The following AP1G1 variants were observed in gnomAD, a reference collection of about 807,000 sequenced individuals.
AP1G1 encodes the protein adaptor related protein complex 1 subunit gamma 1.
In AP1G1, 7 loss-of-function variants were observed where a neutral mutation model predicts 108.3. The ratio of observed to expected loss-of-function variants is 0.06; its 90% CI spans 0.04 to 0.12. The LOEUF is 0.12. AP1G1 is among the 10% of genes least tolerant of loss of function. The pLI is 1.00. For missense variants in AP1G1, 756 were observed against 1,010.7 expected (o/e 0.75, Z 3.42); for synonymous variants, 379 against 353.5 (o/e 1.07, Z -0.81).
At chr16:71,770,762 G>A (rs924872607) in intron 5 of AP1G1, among the ~76,000 whole-genome samples, 4 of 152,088 alleles carry the variant, frequency 2.6e-5, no homozygotes, top group Non-Finnish European at 4.4e-5. Flanking sequence ...GAGCTACCAC[G>A]CCCAGCCGCA....
At position 71,729,032 on chromosome 16, in the gene AP1G1, T is replaced by G. The variant is rs1240669084; in HGVS notation, c.*4026A>C. On this transcript the variant is annotated 3_prime_UTR_variant, in exon 23 of 23. Coordinates refer to ENST00000299980, the MANE Select transcript of AP1G1 (RefSeq NM_001128.6). ...TCATTGGGTATTGACTTTTTATTAT[T>G]AGTCACTGTTCATAATTTGTTTCAA... The G allele has an allele frequency of 6.6e-6, 1 of 152,608 alleles. No homozygotes were observed. The highest frequency in any genetic ancestry group is 1.9e-4 in the East Asian group (1 of 5,200). 9.5% of individuals were successfully genotyped at this position (152,608 alleles called of 1,614,324 possible). A position where few individuals can be genotyped will look rare whatever the true frequency, so the allele number is the denominator to read the frequency against.
At chr16:71,788,983 T>C (rs1166469033) in intron 2 of AP1G1, among the ~76,000 whole-genome samples, 1 of 152,218 alleles carries the variant, frequency 6.6e-6, no homozygotes, top group African/African-American at 2.4e-5. Context: ...ATATTCATTA[T>C]AGTCCAGGTA....
chr16:71,805,137 A>C (rs1051010758), intron 1 of AP1G1, among the ~76,000 whole-genome samples: 3 of 152,090 alleles, frequency 2.0e-5, no homozygotes, highest in Admixed American at 1.3e-4. Context: ...GAGAATAAAG[A>C]AAGCCAAAAT....
chr16:71,771,985 A>C (rs186172726), intron 4 of AP1G1, among the ~76,000 whole-genome samples: 87 of 152,308 alleles, frequency 5.7e-4, no homozygotes, highest in Non-Finnish European at 8.1e-4. Context: ...GTACATTTAA[A>C]CACTGATTTT....
chr16:71,738,913 G>A, intron 21 of AP1G1, 29 bp downstream of exon 21: 4 of 1,562,686 alleles, frequency 2.6e-6, no homozygotes, highest in East Asian at 2.3e-5. Flanking sequence ...TTTAATCAAA[G>A]GAAACATCTA....
chr16:71,745,499 G>A lies in AP1G1; in HGVS notation c.1846C>T (p.Pro616Ser), dbSNP rs1397028674. 2.5e-6 allele frequency: 4 copies of A among 1,614,078 alleles called. No individual in the cohort carries two copies. In the African/African-American group the frequency reaches 5.3e-5, roughly 22 times the overall value. ...EPAPLETKPP[P>S]SGPQPTSQAN... ...TGGCTGGTGGGCTGTGGCCCAGAGGGTGGCGGTTTGGTCTCTAGTGGAGCT... is the reference window on the plus strand; with the variant it reads ...TGGCTGGTGGGCTGTGGCCCAGAGGATGGCGGTTTGGTCTCTAGTGGAGCT... Residue 616 changes from proline (P) to serine (S), a missense_variant, in exon 18 of 23, where the codon CCC (proline) becomes TCC (serine). Pro to Ser is a moderately conservative substitution (Grantham distance 74, BLOSUM62 -1). This residue lies in a region of AP1G1 where 357 missense variants were observed against 366.5 expected (regional missense o/e 0.97). Transcript: ENST00000299980.
At chr16:71,808,442 C>T (rs1213141086) in intron 1 of AP1G1, 4 of 1,189,152 alleles carry the variant, frequency 3.4e-6, no homozygotes, top group Non-Finnish European at 3.2e-6. Context: ...AAACCCCAGG[C>T]TCCCTGAATG....
rs111736607 is a variant in AP1G1, at chr16:71,773,868, T to G, written c.327-506A>C. Reference sequence around the variant, plus strand: ...TGAGTAGCTACCCAGGTTCAAGTGATTCTTCTGCCTCAGCCTCTCAAGTAG... The same window carrying G: ...TGAGTAGCTACCCAGGTTCAAGTGAGTCTTCTGCCTCAGCCTCTCAAGTAG... On this transcript the variant is annotated intron_variant, in intron 3 of 22. Transcript: ENST00000299980. 3.3e-3 allele frequency among the ~76,000 whole-genome samples: 500 copies of G among 149,764 alleles called. 6 individuals carry two copies. The highest frequency in any genetic ancestry group is 0.012 in the African/African-American group (477 of 40,932).
Position 71,733,024 on chromosome 16 carries a change from G to A in AP1G1, c.*34C>T. 1 of 1,552,226 alleles carries A rather than the reference G, an allele frequency of 6.4e-7. No individual in the cohort carries two copies. Among genetic ancestry groups the A allele is most frequent in the Non-Finnish European group, 8.9e-7 (1 of 1,126,830 alleles). On this transcript the variant is annotated 3_prime_UTR_variant, in exon 23 of 23. Transcript: ENST00000299980. Reference sequence around the variant, plus strand: ...CCTCCTTCCCAGAGTTCCTTTGATTGAGTGGGATAAAGAATGAGAATGGTG... The same window carrying A: ...CCTCCTTCCCAGAGTTCCTTTGATTAAGTGGGATAAAGAATGAGAATGGTG...
intron 2 of AP1G1, among the ~76,000 whole-genome samples, chr16:71,779,689 G>A (rs901117641): frequency 4.6e-5 from 7 of 152,064 alleles, no homozygotes; most frequent in Non-Finnish European, 8.8e-5. Flanking sequence ...GCTATTTTAC[G>A]AAGAGAATTT....
intron 21 of AP1G1, among the ~76,000 whole-genome samples, chr16:71,737,145 C>T (rs1317041390): frequency 6.6e-6 from 1 of 152,094 alleles, no homozygotes; most frequent in Non-Finnish European, 1.5e-5. Flanking sequence ...TCATTATCAC[C>T]ACCCTCTTTG....
At chr16:71,752,408 G>C (rs907470247) in intron 13 of AP1G1, among the ~76,000 whole-genome samples, 1 of 152,122 alleles carries the variant, frequency 6.6e-6, no homozygotes, top group Non-Finnish European at 1.5e-5. Context: ...GTATGCCCCA[G>C]AGAGAATTCC....
chr16:71,779,801 T>C (rs1342064763), intron 2 of AP1G1, among the ~76,000 whole-genome samples: 3 of 152,060 alleles, frequency 2.0e-5, no homozygotes. Context: ...GCACCTATTT[T>C]GTTAGCTTTT....
At chr16:71,764,323 G>C (rs758024338) in intron 9 of AP1G1, 27 bp downstream of exon 9, 1 of 1,380,160 alleles carries the variant, frequency 7.2e-7, no homozygotes, top group Non-Finnish European at 1.0e-6. Flanking sequence ...CATTTAGGGG[G>C]GGAAGAAAAG....
rs145423361 is a variant in AP1G1 at position 71,773,388 on chromosome 16, A to G, written c.327-26T>C. 6,675 of 1,481,760 alleles carry G rather than the reference A, an allele frequency of 4.5e-3. 16 individuals carry two copies. The highest frequency in any genetic ancestry group is 0.012 in the Middle Eastern group (64 of 5,496). The allele number at this position is 1,481,760 out of a possible 1,614,324, so 91.8% of individuals were successfully genotyped here. Reference sequence around the variant, plus strand: ...CTGCAAAAGAAAAGAGGAAGGTAGGAACAAGCCTGGTGCTCCCCAAGAAGC... The same window carrying G: ...CTGCAAAAGAAAAGAGGAAGGTAGGGACAAGCCTGGTGCTCCCCAAGAAGC... On this transcript the variant is annotated intron_variant, in intron 3 of 22. Transcript: ENST00000299980.
intron 3 of AP1G1, 122 bp downstream of exon 3, chr16:71,774,346 G>GT: frequency 9.7e-7 from 1 of 1,027,968 alleles, no homozygotes; most frequent in Non-Finnish European, 1.4e-6. Context: ...GGAGGATGCA[G>GT]TGAGTCAAGA....
intron 21 of AP1G1, among the ~76,000 whole-genome samples, chr16:71,738,708 G>A (rs375888502): frequency 2.0e-5 from 3 of 152,218 alleles, no homozygotes; most frequent in African/African-American, 7.2e-5. Context: ...ACTACTATTA[G>A]AATTGTTTTT....
intron 21 of AP1G1, among the ~76,000 whole-genome samples, chr16:71,736,113 AAAAAATAT>A (rs1448704470): frequency 4.0e-5 from 3 of 75,716 alleles, no homozygotes; most frequent in East Asian, 3.2e-4. Context: ...AAAAAAAAAA[AAAAAATAT>A]ATATATATAT....
At chr16:71,785,936 C>G (rs905475518) in intron 2 of AP1G1, among the ~76,000 whole-genome samples, 3 of 151,982 alleles carry the variant, frequency 2.0e-5, no homozygotes, top group Non-Finnish European at 2.9e-5. Flanking sequence ...GCACTGTGAT[C>G]ATACGTGCAG....
Sources: allele counts gnomAD v4.1 joint callset (sites outside exome capture counted in the v4.1 genomes callset), GRCh38; gene constraint gnomAD v4.1.1; regional missense constraint gnomAD v4.1.1; transcripts MANE v1.5; gene names NCBI Gene and HGNC (gene_info 2026-07-23, HGNC 2026-07-21).